Variants in COL5A1 observed in about 807,000 individuals in gnomAD.
The protein encoded by COL5A1 is collagen type V alpha 1 chain, also known as collagen alpha-1(V) chain.
COL5A1 carries 16 observed loss-of-function variants against 263.7 expected under a neutral mutation model. The observed-to-expected ratio is 0.06, with a 90% CI of 0.04 to 0.09. The LOEUF (loss-of-function observed/expected upper bound fraction) is 0.09, where lower values mean the gene tolerates loss of function less well. Ranked by LOEUF, COL5A1 falls within the 10% of genes least tolerant of loss-of-function variation. The pLI is 1.00. For synonymous variants in COL5A1, 1,012 were observed against 1,004.5 expected (o/e 1.01, Z -0.14); for missense variants, 2,036 against 2,540.5 (o/e 0.80, Z 4.27).
chr9:134,787,296 C>G (rs979839142), intron 31 of COL5A1, among the ~76,000 whole-genome samples: 1 of 152,190 alleles, frequency 6.6e-6, no homozygotes, highest in East Asian at 1.9e-4. Context: ...CACAGTGACC[C>G]GGTTTCTGAA....
At chr9:134,830,136 A>G in intron 64 of COL5A1, 92 bp downstream of exon 64, 11 of 1,612,650 alleles carry the variant, frequency 6.8e-6, no homozygotes, top group Non-Finnish European at 9.3e-6. Context: ...CCCAAAGAGC[A>G]GCCTTCCACC....
chr9:134,763,473 C>T (rs766906471), intron 19 of COL5A1, among the ~76,000 whole-genome samples: 16 of 152,242 alleles, frequency 1.1e-4, no homozygotes, highest in Admixed American at 2.0e-4. Context: ...GCTCCTGAGC[C>T]GGCATCTCAG....
chr9:134,670,724 AAAT>A (rs1832514832), intron 1 of COL5A1, among the ~76,000 whole-genome samples: 1 of 152,140 alleles, frequency 6.6e-6, no homozygotes, highest in South Asian at 2.1e-4. Context: ...TTGAGTCAGA[AAAT>A]GTAAGGGAAT....
chr9:134,665,400 T>C (rs1832326297), intron 1 of COL5A1, among the ~76,000 whole-genome samples: 1 of 152,220 alleles, frequency 6.6e-6, no homozygotes, highest in Non-Finnish European at 1.5e-5. Context: ...TTTGCTGAGG[T>C]ACACCAATCT....
chr9:134,767,124 C>T, intron 23 of COL5A1, 71 bp downstream of exon 23: 1 of 1,559,970 alleles, frequency 6.4e-7, no homozygotes, highest in Admixed American at 1.8e-5. Context: ...GTCCGGAGCC[C>T]TGGGAGGAAG....
chr9:134,743,604 C>T (rs1249991980), intron 11 of COL5A1, among the ~76,000 whole-genome samples: 2 of 152,190 alleles, frequency 1.3e-5, no homozygotes, highest in Non-Finnish European at 2.9e-5. Flanking sequence ...AATTGCCACA[C>T]AGGGGCACCT....
At chr9:134,646,936 C>T (rs554879906) in intron 1 of COL5A1, among the ~76,000 whole-genome samples, 84 of 152,324 alleles carry the variant, frequency 5.5e-4, no homozygotes, top group African/African-American at 1.8e-3. Flanking sequence ...CCCTCGTGAA[C>T]ATGGGGAGAA....
rs916914321 is a variant in COL5A1, at chr9:134,717,190, C to T, written c.655-10076C>T. 3.3e-5 allele frequency among the ~76,000 whole-genome samples: 5 copies of T among 152,130 alleles called. 1 individual carries two copies. The highest frequency in any genetic ancestry group is 4.1e-4 in the South Asian group (2 of 4,830). ...CGCTAAGGACGTCAAGGAAGTGCCT[C>T]GTGGAGAAGGGGCACCGGTGGCGTC... On this transcript the variant is annotated intron_variant, in intron 4 of 65. Coordinates refer to ENST00000371817, the MANE Select transcript of COL5A1 (RefSeq NM_000093.5).
rs924061015 is a variant in COL5A1 at position 134,705,943 on chromosome 9, G to A, written c.654+4610G>A. 1.2e-4 allele frequency among the ~76,000 whole-genome samples: 18 copies of A among 152,230 alleles called. 1 individual carries two copies. The highest frequency in any genetic ancestry group is 9.8e-4 in the Admixed American group (15 of 15,286). ...GGGTCCCGCCAGCCCCAGCTAGGGC[G>A]AGTGCTCCGGGGCGCCTCCTGCCCG... is the stretch of plus-strand genomic sequence containing the variant. On this transcript the variant is annotated intron_variant, in intron 4 of 65. Coordinates refer to ENST00000371817, the MANE Select transcript of COL5A1 (RefSeq NM_000093.5).
At chr9:134,719,587 G>A (rs1265606793) in intron 4 of COL5A1, among the ~76,000 whole-genome samples, 2 of 152,232 alleles carry the variant, frequency 1.3e-5, no homozygotes, top group African/African-American at 2.4e-5. Flanking sequence ...AAAACAGCAC[G>A]AAGAGGACAG....
rs1445668536 is a variant in COL5A1 at position 134,757,347 on chromosome 9, T to A, written c.1881+529T>A. ...TCTGCCCCAGCACTGCTGTGAGCATTGCCCCGGTCTTGGCTCACCCCTCCT... is the reference window on the plus strand; with the variant it reads ...TCTGCCCCAGCACTGCTGTGAGCATAGCCCCGGTCTTGGCTCACCCCTCCT... On this transcript the variant is annotated intron_variant, in intron 17 of 65. Coordinates refer to ENST00000371817, the MANE Select transcript of COL5A1 (RefSeq NM_000093.5). The surrounding 1 kb of genome is among the most constrained non-coding windows in gnomAD (Gnocchi z 6.2). Among the ~76,000 whole-genome samples the A allele has an allele frequency of 2.0e-5, 3 of 152,172 alleles. No homozygotes were observed. The highest frequency in any genetic ancestry group is 7.2e-5 in the African/African-American group (3 of 41,424).
intron 53 of COL5A1, among the ~76,000 whole-genome samples, 153 bp from the exon 54 acceptor site, chr9:134,817,625 C>T (rs1838807097): frequency 6.6e-6 from 1 of 152,094 alleles, no homozygotes; most frequent in African/African-American, 2.4e-5. Context: ...CACCCCTGCC[C>T]TGCAGCCCGG....
intron 4 of COL5A1, among the ~76,000 whole-genome samples, chr9:134,713,999 G>A (rs1036089008): frequency 1.3e-5 from 2 of 152,284 alleles, no homozygotes; most frequent in East Asian, 3.9e-4. Flanking sequence ...TCTCCGTGAC[G>A]CTCTCCTTGA....
At chr9:134,759,733 TAC>T (rs565632737) in intron 18 of COL5A1, among the ~76,000 whole-genome samples, 35 of 41,150 alleles carry the variant, frequency 8.5e-4, no homozygotes, top group South Asian at 8.4e-3. Flanking sequence ...CCCACACTCA[TAC>T]ACACACACCA....
At chr9:134,768,273 G>T (rs1414878423) in intron 24 of COL5A1, 137 bp from the exon 25 acceptor site, 2 of 830,880 alleles carry the variant, frequency 2.4e-6, no homozygotes, top group East Asian at 4.9e-5. Context: ...TCACAGCCAG[G>T]GACCCAGTGC....
chr9:134,708,706 A>G, intron 4 of COL5A1: 1 of 515,002 alleles, frequency 1.9e-6, no homozygotes, highest in Non-Finnish European at 3.9e-6. Flanking sequence ...TGCCCCTGGA[A>G]GGGACAAGGA....
At chr9:134,695,112 G>C (rs879783318) in intron 2 of COL5A1, among the ~76,000 whole-genome samples, 1 of 152,156 alleles carries the variant, frequency 6.6e-6, no homozygotes, top group African/African-American at 2.4e-5. Context: ...CCTCGGCTCT[G>C]GTGCTGTGGG....
intron 18 of COL5A1, among the ~76,000 whole-genome samples, chr9:134,760,483 G>GCACA (rs749651417): frequency 1.7e-5 from 1 of 58,840 alleles, no homozygotes; most frequent in African/African-American, 7.0e-5. Flanking sequence ...ATACACACAT[G>GCACA]CACACACACC....
At position 134,728,803 on chromosome 9, in the gene COL5A1, C is replaced by G; in HGVS notation, c.920C>G (p.Pro307Arg). 4 of 1,614,092 alleles carry G rather than the reference C, an allele frequency of 2.5e-6. No individual in the cohort carries two copies. The highest frequency in any genetic ancestry group is 2.5e-6 in the Non-Finnish European group (3 of 1,180,028). Residue 307 changes from proline to arginine, a missense_variant, in exon 6 of 66, where the codon CCC (proline) becomes CGC (arginine). Transcript: ENST00000371817. ...VEAAKETTEV[P>R]EELTPTPTEA... is the part of the protein sequence containing the mutation. Reference sequence around the variant, plus strand: ...GCTGCCAAAGAAACCACAGAGGTCCCCGAGGTCTGGGCTGAGCGGGGGACT... The same window carrying G: ...GCTGCCAAAGAAACCACAGAGGTCCGCGAGGTCTGGGCTGAGCGGGGGACT...
Sources: gnomAD v4.1 joint callset for allele counts (sites outside exome capture counted in the v4.1 genomes callset) on GRCh38, gnomAD v4.1.1 for gene constraint, Gnocchi (gnomAD v3.1) non-coding constraint, MANE v1.5 for transcripts, NCBI Gene and HGNC (gene_info 2026-07-23, HGNC 2026-07-21) for gene names.